WSCD1: variants seen among roughly 807,000 people sequenced by gnomAD.
WSCD1 encodes the protein sialate:O-sulfotransferase 1.
A neutral mutation model predicts 60.4 loss-of-function variants in WSCD1; 41 were observed. That is an observed-to-expected ratio of 0.68 (90% CI 0.53 to 0.88). The LOEUF (loss-of-function observed/expected upper bound fraction) is 0.88. Ranked by LOEUF, WSCD1 falls within the 40% of genes least tolerant of loss-of-function variation. The probability of loss-of-function intolerance (pLI) is 0.00; values close to 1 mark genes in which losing one functional copy is unlikely to be tolerated. For synonymous variants in WSCD1, 361 were observed against 332.5 expected, an observed-to-expected ratio of 1.09 and a Z score of -0.93; for missense variants, 784 against 796.2, an observed-to-expected ratio of 0.98 and a Z score of 0.18.
intron 4 of WSCD1, among the ~76,000 whole-genome samples, chr17:6,091,015 C>A (rs1445170533): frequency 6.6e-6 from 1 of 152,110 alleles, no homozygotes; most frequent in Admixed American, 6.5e-5. Context: ...CTCAGCCTCC[C>A]GAGGAGCTAG....
rs202000703 is a variant in WSCD1, at chr17:6,120,351, C to A, written c.1418C>A (p.Ser473Ter). Residue 473 changes from serine (S) to a stop codon, truncating the protein, a stop_gained, in exon 9 of 9, where the codon TCG (serine) becomes TAG (stop). Transcript: ENST00000317744. LOFTEE classifies it high-confidence loss of function. ...AACAGCTACGCCTCGTGGTGGTCCT[C>A]GCACGTCCTGGACTGGCTCAAGTAC... ...FVNSYASWWS[S>*]HVLDWLKYGK... is the part of the protein sequence containing the mutation. 6.2e-7 allele frequency: 1 copy of A among 1,613,974 alleles called. No individual in the cohort carries two copies. Among genetic ancestry groups the A allele is most frequent in the African/African-American group, 1.3e-5 (1 of 74,950 alleles).
chr17:6,098,443 C>T (rs1348833136), intron 5 of WSCD1, among the ~76,000 whole-genome samples: 1 of 152,200 alleles, frequency 6.6e-6, no homozygotes, highest in Non-Finnish European at 1.5e-5. Context: ...CTTGTGCTAT[C>T]ACACATTAGC....
intron 5 of WSCD1, among the ~76,000 whole-genome samples, chr17:6,098,815 G>A (rs751846979): frequency 1.3e-5 from 2 of 152,220 alleles, no homozygotes; most frequent in Non-Finnish European, 2.9e-5. Flanking sequence ...CTGAGACGGT[G>A]GGCACAGCCA....
rs3214409 is a variant in WSCD1, at chr17:6,081,124, AC to A, written c.427+45del. On this transcript the variant is annotated intron_variant, in intron 2 of 8. Coordinates refer to ENST00000317744, the MANE Select transcript of WSCD1 (RefSeq NM_015253.2). The stretch of plus-strand genomic sequence containing the variant: ...TGCATTTGGGGGAGCTGTTCCCAGG[AC>A]CCCCCATTCAGGGTCACAGGTTTGG... The A allele has an allele frequency of 7.1e-4, 1,065 of 1,500,858 alleles. 10 individuals are homozygous for A. The East Asian group carries it at 0.018, about 25-fold the overall frequency. 93.0% of individuals were successfully genotyped at this position (1,500,858 alleles called of 1,614,324 possible).
rs1172315026 is a variant in WSCD1 at position 6,075,955 on chromosome 17, T to C, written c.-288-4416T>C. The stretch of plus-strand genomic sequence containing the variant: ...ACGGACAAGGCACTGTCTGGAAGGC[T>C]TGGCTGGGGAGACACCATGTGTGGC... On this transcript the variant is annotated intron_variant, in intron 1 of 8. Transcript: ENST00000317744. The surrounding 1 kb of genome is among the most constrained non-coding windows in gnomAD (Gnocchi z 4.1). 6.6e-6 allele frequency among the ~76,000 whole-genome samples: 1 copy of C among 152,168 alleles called. No individual in the cohort carries two copies. Among genetic ancestry groups the C allele is most frequent in the Non-Finnish European group, 1.5e-5 (1 of 68,018 alleles).
At chr17:6,090,272 C>T (rs1443820639) in intron 3 of WSCD1, 49 bp from the exon 4 acceptor site, 1 of 1,508,498 alleles carries the variant, frequency 6.6e-7, no homozygotes, top group East Asian at 2.5e-5. Flanking sequence ...TAGACCGCAG[C>T]CCTAGCTCTG....
chr17:6,076,326 C>T (rs1908857429), intron 1 of WSCD1, among the ~76,000 whole-genome samples: 1 of 152,144 alleles, frequency 6.6e-6, no homozygotes, highest in Non-Finnish European at 1.5e-5. Context: ...ACTGCAAATG[C>T]TTCATAAATG....
At chr17:6,099,477 C>T (rs139643849) in intron 5 of WSCD1, among the ~76,000 whole-genome samples, 10,227 of 151,762 alleles carry the variant, frequency 0.067, 779 homozygotes, top group African/African-American at 0.18. Flanking sequence ...ATCACACCAC[C>T]GCGCTCCAGC....
chr17:6,084,523 G>A (rs980461574), intron 2 of WSCD1, among the ~76,000 whole-genome samples: 4 of 152,332 alleles, frequency 2.6e-5, no homozygotes, highest in Middle Eastern at 3.4e-3. Context: ...TGTAAGGCGC[G>A]GAAGCTGCAG....
chr17:6,094,796 A>AGGGGAGGG (rs1910302424), intron 4 of WSCD1, among the ~76,000 whole-genome samples: 1 of 137,552 alleles, frequency 7.3e-6, no homozygotes, highest in African/African-American at 3.0e-5. Flanking sequence ...GGAAGGGAGG[A>AGGGGAGGG]AGGGAGGGAG....
intron 2 of WSCD1, among the ~76,000 whole-genome samples, chr17:6,082,458 C>T (rs943234131): frequency 5.3e-5 from 8 of 152,172 alleles, no homozygotes; most frequent in South Asian, 4.1e-4. Flanking sequence ...GGAAGGGACA[C>T]GGCAGGGTCT....
intron 2 of WSCD1, among the ~76,000 whole-genome samples, chr17:6,082,602 G>A (rs551439374): frequency 1.2e-4 from 18 of 152,322 alleles, no homozygotes; most frequent in East Asian, 9.7e-4. Flanking sequence ...CCCAGTAAGC[G>A]TGGAAGTTGT....
chr17:6,105,373 C>G (rs1911029537), intron 5 of WSCD1, among the ~76,000 whole-genome samples: 1 of 152,190 alleles, frequency 6.6e-6, no homozygotes, highest in Non-Finnish European at 1.5e-5. Flanking sequence ...GCCTTGTATT[C>G]TTGGATCCTT....
intron 2 of WSCD1, chr17:6,081,827 G>A (rs78795105): frequency 1.3e-5 from 2 of 152,298 alleles, no homozygotes; most frequent in East Asian, 1.9e-4. Context: ...AGAGGAATGG[G>A]TCACAAAGTG....
intron 5 of WSCD1, among the ~76,000 whole-genome samples, chr17:6,103,352 A>T (rs1015628128): frequency 6.6e-6 from 1 of 152,206 alleles, no homozygotes; most frequent in Non-Finnish European, 1.5e-5. Flanking sequence ...ACTTCCTGGG[A>T]TGAAGAGCCA....
intron 1 of WSCD1, among the ~76,000 whole-genome samples, chr17:6,077,238 G>A (rs1470180451): frequency 6.6e-6 from 1 of 151,998 alleles, no homozygotes; most frequent in African/African-American, 2.4e-5. Flanking sequence ...ACAGGTGCAT[G>A]CCACCACATC....
At position 6,118,207 on chromosome 17, in the gene WSCD1, G is replaced by A. The variant is rs765735871; in HGVS notation, c.1375+19G>A. On this transcript the variant is annotated intron_variant, in intron 8 of 8. Transcript: ENST00000317744. The surrounding 1 kb of genome is among the most constrained non-coding windows in gnomAD (Gnocchi z 5.8). Reference sequence around the variant, plus strand: ...AGCAAAGGTAATCAAGGACCTTGCGGTGGGGGTGGGAGGCTTGTCAGTACA... The same window carrying A: ...AGCAAAGGTAATCAAGGACCTTGCGATGGGGGTGGGAGGCTTGTCAGTACA... The A allele has an allele frequency of 1.1e-5, 17 of 1,612,588 alleles. No individual in the cohort carries two copies. The South Asian group carries it at 1.9e-4, about 18-fold the overall frequency.
At chr17:6,089,222 G>A (rs1320652051) in intron 3 of WSCD1, among the ~76,000 whole-genome samples, 14 of 152,124 alleles carry the variant, frequency 9.2e-5, no homozygotes, top group African/African-American at 3.4e-4. Context: ...GTCTAGATAC[G>A]GTGGAAACAG....
chr17:6,119,138 C>G (rs73347083), intron 8 of WSCD1, among the ~76,000 whole-genome samples: 1 of 152,186 alleles, frequency 6.6e-6, no homozygotes, highest in Non-Finnish European at 1.5e-5. Context: ...CCTCCCAAAT[C>G]CCCCATCCCT....
Sources: gnomAD v4.1 joint callset for allele counts (sites outside exome capture counted in the v4.1 genomes callset) on GRCh38, gnomAD v4.1.1 for gene constraint, Gnocchi (gnomAD v3.1) non-coding constraint, MANE v1.5 for transcripts, NCBI Gene and HGNC (gene_info 2026-07-23, HGNC 2026-07-21) for gene names.